The following BICD1 variants were observed in gnomAD, a reference collection of about 807,000 sequenced individuals.
BICD1 encodes the protein protein bicaudal D homolog 1.
Under a neutral mutation model 92.5 loss-of-function variants are expected in BICD1, and 35 were observed. The ratio of observed to expected loss-of-function variants is 0.38; its 90% CI spans 0.29 to 0.50. The LOEUF is 0.50. Among genes scored for constraint, BICD1 ranks in the 20% least tolerant of loss-of-function variants. The probability of loss-of-function intolerance (pLI) is 0.93; values close to 1 mark genes in which losing one functional copy is unlikely to be tolerated. For missense variants in BICD1, 950 were observed against 1,189.8 expected (o/e 0.80, Z 2.97); for synonymous variants, 429 against 465.1 (o/e 0.92, Z 1.00).
At chr12:32,214,804 C>T (rs1945304895) in intron 1 of BICD1, among the ~76,000 whole-genome samples, 1 of 151,930 alleles carries the variant, frequency 6.6e-6, no homozygotes, top group Admixed American at 6.6e-5. Flanking sequence ...TTGTTTTTTA[C>T]TTGTAATACA....
At chr12:32,279,707 T>G (rs1397086229) in intron 2 of BICD1, among the ~76,000 whole-genome samples, 1 of 152,228 alleles carries the variant, frequency 6.6e-6, no homozygotes, top group African/African-American at 2.4e-5. Context: ...CTCCTTGGCT[T>G]CTAATGGAGG....
At chr12:32,232,100 C>T (rs1428622994) in intron 2 of BICD1, among the ~76,000 whole-genome samples, 2 of 151,282 alleles carry the variant, frequency 1.3e-5, no homozygotes, top group Non-Finnish European at 2.9e-5. Flanking sequence ...TGGGTATATA[C>T]CCAGTAATGG....
intron 1 of BICD1, among the ~76,000 whole-genome samples, chr12:32,129,779 T>C (rs536223128): frequency 6.6e-6 from 1 of 152,288 alleles, no homozygotes; most frequent in East Asian, 1.9e-4. Flanking sequence ...TAACTTTACA[T>C]TGCAATACCA....
chr12:32,191,367 A>T (rs1294433470), intron 1 of BICD1, among the ~76,000 whole-genome samples: 1 of 151,948 alleles, frequency 6.6e-6, no homozygotes, highest in African/African-American at 2.4e-5. Context: ...TTATAAATGA[A>T]AGAAGAGATA....
At chr12:32,111,409 A>G (rs978132401) in intron 1 of BICD1, among the ~76,000 whole-genome samples, 1 of 152,214 alleles carries the variant, frequency 6.6e-6, no homozygotes, top group African/African-American at 2.4e-5. Flanking sequence ...ATCTTTAAGC[A>G]GAATTGTTTT....
chr12:32,218,633 A>G (rs1442714360), intron 2 of BICD1, among the ~76,000 whole-genome samples: 1 of 152,228 alleles, frequency 6.6e-6, no homozygotes, highest in East Asian at 1.9e-4. Context: ...GCAGTAAGAG[A>G]ATAACTTGTT....
intron 8 of BICD1, among the ~76,000 whole-genome samples, chr12:32,344,220 T>C (rs1938485486): frequency 6.6e-6 from 1 of 152,108 alleles, no homozygotes; most frequent in Non-Finnish European, 1.5e-5. Context: ...GACTATATCG[T>C]AATAGGCAGA....
At chr12:32,358,247 C>T (rs569793660) in intron 8 of BICD1, among the ~76,000 whole-genome samples, 8 of 151,926 alleles carry the variant, frequency 5.3e-5, no homozygotes, top group Admixed American at 2.6e-4. Flanking sequence ...ACTACAGGCA[C>T]GCCCTACCAT....
intron 3 of BICD1, among the ~76,000 whole-genome samples, chr12:32,303,165 G>A (rs1948110036): frequency 6.6e-6 from 1 of 151,656 alleles, no homozygotes; most frequent in South Asian, 2.1e-4. Context: ...AAACTCCTGT[G>A]CTCAAGCAAT....
Position 32,227,764 on chromosome 12 carries a change from G to A in BICD1, c.426+11305G>A, listed in dbSNP as rs78178953. The A allele has an allele frequency of 7.4e-3, 1,147 of 156,000 alleles. 2 individuals are homozygous for A. The highest frequency in any genetic ancestry group is 0.013 in the Non-Finnish European group (900 of 68,170). 9.7% of individuals were successfully genotyped at this position (156,000 alleles called of 1,614,324 possible). ...AGAGTACCCGTAGCCTCCATTGGGG[G>A]CCTCGCCCCTGGAGGCTTGAAATGC... On this transcript the variant is annotated intron_variant, in intron 2 of 9. Coordinates refer to ENST00000652176, the MANE Select transcript of BICD1 (RefSeq NM_001714.4).
At chr12:32,273,219 C>T (rs1449876010) in intron 2 of BICD1, among the ~76,000 whole-genome samples, 1 of 152,142 alleles carries the variant, frequency 6.6e-6, no homozygotes. Flanking sequence ...GGGTGGCTGC[C>T]AGAATTCATC....
At chr12:32,200,051 C>T (rs922119185) in intron 1 of BICD1, among the ~76,000 whole-genome samples, 2 of 152,142 alleles carry the variant, frequency 1.3e-5, no homozygotes, top group Admixed American at 6.5e-5. Flanking sequence ...TGGAGGCCTG[C>T]GTTAGTGAGA....
At chr12:32,159,484 T>C (rs140749185) in intron 1 of BICD1, among the ~76,000 whole-genome samples, 106 of 152,286 alleles carry the variant, frequency 7.0e-4, no homozygotes, top group South Asian at 3.3e-3. Context: ...CAGGCATCAC[T>C]ATAATAGCAT....
rs868010255 is a variant in BICD1 at position 32,182,585 on chromosome 12, T to A, written c.214-33662T>A. Among the ~76,000 whole-genome samples the A allele has an allele frequency of 6.6e-5, 10 of 151,882 alleles. No homozygotes were observed. In the East Asian group the frequency reaches 1.9e-3, roughly 29 times the overall value. On this transcript the variant is annotated intron_variant, in intron 1 of 9. Transcript: ENST00000652176. ...GGCATGAGCCACCATGCCCCGCTGTTTTCTACATTTCTTTTATATGTAAAT... is the reference window on the plus strand; with the variant it reads ...GGCATGAGCCACCATGCCCCGCTGTATTCTACATTTCTTTTATATGTAAAT...
At chr12:32,265,013 C>A (rs1237028809) in intron 2 of BICD1, among the ~76,000 whole-genome samples, 1 of 151,988 alleles carries the variant, frequency 6.6e-6, no homozygotes, top group Admixed American at 6.6e-5. Flanking sequence ...GCTGGTCGCT[C>A]CTTTCCAGAA....
intron 1 of BICD1, among the ~76,000 whole-genome samples, chr12:32,178,007 T>A (rs1347737369): frequency 6.6e-6 from 1 of 151,322 alleles, no homozygotes; most frequent in Non-Finnish European, 1.5e-5. Flanking sequence ...AATATGATTG[T>A]GATTATGGGC....
At chr12:32,233,271 G>C (rs1945948650) in intron 2 of BICD1, among the ~76,000 whole-genome samples, 1 of 141,310 alleles carries the variant, frequency 7.1e-6, no homozygotes, top group Non-Finnish European at 1.5e-5. Context: ...GCAGTAAGCT[G>C]AGATTGTGCC....
intron 9 of BICD1, among the ~76,000 whole-genome samples, chr12:32,370,344 C>A (rs1386526202): frequency 1.0e-4 from 15 of 144,384 alleles, no homozygotes; most frequent in Admixed American, 6.9e-4. Flanking sequence ...TACAGCCTGG[C>A]GACAGAGCAA....
rs541571964 is a variant in BICD1 at position 32,381,895 on chromosome 12, CAA to C, written c.*4269_*4270del. On this transcript the variant is annotated 3_prime_UTR_variant, in exon 10 of 10. Coordinates refer to ENST00000652176, the MANE Select transcript of BICD1 (RefSeq NM_001714.4). ...TATATTTAAGGCTGCAAAAAATGTA[CAA>C]GAGTATGTTTTCAAGTAAAGGGAAC... is the stretch of plus-strand genomic sequence containing the variant. The C allele has an allele frequency of 1.2e-4, 19 of 152,060 alleles. No homozygotes were observed. In the East Asian group the frequency reaches 3.3e-3, roughly 26 times the overall value. The allele number at this position is 152,060 out of a possible 1,614,324, so 9.4% of individuals were successfully genotyped here.
Sources: gnomAD v4.1 joint callset for allele counts (sites outside exome capture counted in the v4.1 genomes callset) on GRCh38, gnomAD v4.1.1 for gene constraint, MANE v1.5 for transcripts, NCBI Gene and HGNC (gene_info 2026-07-23, HGNC 2026-07-21) for gene names.